TFIP11: variants seen among roughly 807,000 people sequenced by gnomAD.
TFIP11 encodes tuftelin interacting protein 11, also known as tuftelin-interacting protein 11.
A neutral mutation model predicts 96.8 loss-of-function variants in TFIP11; 86 were observed. The observed-to-expected ratio is 0.89, with a 90% CI of 0.75 to 1.06. The LOEUF (loss-of-function observed/expected upper bound fraction) is 1.06, where lower values mean the gene tolerates loss of function less well. TFIP11 is among the 50% of genes least tolerant of loss of function. TFIP11 has a pLI of 0.00. For missense variants in TFIP11, 881 were observed against 1,076.7 expected (o/e 0.82, Z 2.54); for synonymous variants, 405 against 395.2 (o/e 1.02, Z -0.29).
intron 14 of TFIP11, 154 bp downstream of exon 14, chr22:26,493,985 C>A (rs947045670): frequency 1.8e-5 from 14 of 774,400 alleles, no homozygotes; most frequent in Non-Finnish European, 2.8e-5. Flanking sequence ...CCATGTACCC[C>A]AGTCAGCAGG....
chr22:26,497,400 T>C (rs929765296), intron 10 of TFIP11, among the ~76,000 whole-genome samples: 3 of 152,224 alleles, frequency 2.0e-5, no homozygotes, highest in Non-Finnish European at 4.4e-5. Flanking sequence ...GCTGTGCTCC[T>C]AGGGTAAGCC....
Position 26,499,282 on chromosome 22 carries a change from T to G in TFIP11, c.1151A>C (p.Glu384Ala), listed in dbSNP as rs201185631. Reference protein sequence around the residue: ...SKVLEMVEECERRMQPDCSNP... With the variant: ...SKVLEMVEECARRMQPDCSNP... ...GCTGCAGTCGGGCTGCATCCGCCGC[T>G]CGCACTCCTCCACCATCTCCAGGAC... The change falls in exon 9 of 15, where the codon GAG becomes GCG. Residue 384 changes from glutamate (E) to alanine (A), a missense_variant. Coordinates refer to ENST00000407690, the MANE Select transcript of TFIP11 (RefSeq NM_012143.4). 6.2e-7 allele frequency: 1 copy of G among 1,613,900 alleles called. No individual in the cohort carries two copies. The highest frequency in any genetic ancestry group is 2.2e-5 in the East Asian group (1 of 44,874).
chr22:26,508,094 A>T (rs1040012756), intron 4 of TFIP11, among the ~76,000 whole-genome samples: 3 of 152,214 alleles, frequency 2.0e-5, no homozygotes, highest in African/African-American at 7.2e-5. Flanking sequence ...TGGGTAATAG[A>T]GACTGTGTTT....
chr22:26,491,592 C>T lies in TFIP11; in HGVS notation c.*421G>A, dbSNP rs374633481. The T allele has an allele frequency of 1.9e-5, 31 of 1,614,022 alleles. No individual in the cohort carries two copies. The highest frequency in any genetic ancestry group is 4.0e-5 in the African/African-American group (3 of 74,936). ...GCTCTCCATAGATATTTGGGAGTTT[C>T]GGGAAGAACCAGATTATCAGGACTG... On this transcript the variant is annotated 3_prime_UTR_variant, in exon 15 of 15. Transcript: ENST00000407690.
chr22:26,506,223 A>T, intron 6 of TFIP11, 80 bp downstream of exon 6: 1 of 1,448,156 alleles, frequency 6.9e-7, no homozygotes, highest in Non-Finnish European at 9.2e-7. Context: ...AAAAGGGAAA[A>T]GCAAACCTCC....
chr22:26,499,044 A>G, intron 9 of TFIP11, 60 bp downstream of exon 9: 1 of 1,609,980 alleles, frequency 6.2e-7, no homozygotes, highest in Non-Finnish European at 8.5e-7. Context: ...GAACCAACTC[A>G]TCAAGCAAGG....
In TFIP11 at chr22:26,505,716, T is replaced by C. The variant is rs202181627; in HGVS notation, c.520+587A>G. 4.1e-3 allele frequency among the ~76,000 whole-genome samples: 620 copies of C among 149,532 alleles called. 11 individuals are homozygous for C. The South Asian group carries it at 0.042, about 10-fold the overall frequency. The stretch of plus-strand genomic sequence containing the variant: ...TTATTCTATTTATTTATTTATTTAT[T>C]TATTTATTTATTTATTTATTCAGGG... On this transcript the variant is annotated intron_variant, in intron 6 of 14. Transcript: ENST00000407690.
Position 26,499,381 on chromosome 22 carries a change from T to G in TFIP11, c.1052A>C (p.Asn351Thr), listed in dbSNP as rs144808415. Residue 351 changes from asparagine to threonine, a missense_variant, in exon 9 of 15, where the codon AAC becomes ACC. Coordinates refer to ENST00000407690, the MANE Select transcript of TFIP11 (RefSeq NM_012143.4). ...QLQYERDMVV[N>T]LFHELEKMTE... ...CATCTTCTCCAGCTCGTGGAAGAGG[T>G]TGACCACCATGTCCCGCTCATACTG... 52 of 1,614,032 alleles carry G rather than the reference T, an allele frequency of 3.2e-5. 1 individual carries two copies. In the South Asian group the frequency reaches 5.7e-4, roughly 18 times the overall value.
chr22:26,506,154 AG>A, intron 6 of TFIP11, 148 bp downstream of exon 6: 1 of 723,350 alleles, frequency 1.4e-6, no homozygotes, highest in Non-Finnish European at 2.1e-6. Context: ...AAAGCAAGGT[AG>A]CTTAGGAACG....
At position 26,491,902 on chromosome 22, in the gene TFIP11, T is replaced by C. The variant is rs1921236575; in HGVS notation, c.*111A>G. The C allele has an allele frequency of 5.3e-6, 6 of 1,137,368 alleles. No homozygotes were observed. The Admixed American group carries it at 9.5e-5, about 18-fold the overall frequency. The allele number at this position is 1,137,368 out of a possible 1,614,324, so 70.5% of individuals were successfully genotyped here. A position where few individuals can be genotyped will look rare whatever the true frequency, so the allele number is the denominator to read the frequency against. ...CCTCATGACCTGGCCTGATGTGGAG[T>C]AGCTCCTGAGTAAAGAAGTTACCCT... On this transcript the variant is annotated 3_prime_UTR_variant, in exon 15 of 15. Transcript: ENST00000407690.
chr22:26,491,786 T>C lies in TFIP11; in HGVS notation c.*227A>G. 1 of 1,067,736 alleles carries C rather than the reference T, an allele frequency of 9.4e-7. No individual in the cohort carries two copies. Among genetic ancestry groups the C allele is most frequent in the Non-Finnish European group, 1.3e-6 (1 of 750,684 alleles). 66.1% of individuals were successfully genotyped at this position (1,067,736 alleles called of 1,614,324 possible). On this transcript the variant is annotated 3_prime_UTR_variant, in exon 15 of 15. Coordinates refer to ENST00000407690, the MANE Select transcript of TFIP11 (RefSeq NM_012143.4). ...TCCTTTGCCAGGAAAGAACATCAACTTGGCTGTCCTGTTTTGAGGACGATA... is the reference window on the plus strand; with the variant it reads ...TCCTTTGCCAGGAAAGAACATCAACCTGGCTGTCCTGTTTTGAGGACGATA...
Position 26,503,804 on chromosome 22 carries a change from TC to T in TFIP11, c.521-12del. ...TTGGGTTAATGATACCTGAGGAATT[TC>T]AGCAAAAAAAAAAGAGAGTCTTACG... On this transcript the variant is annotated splice_polypyrimidine_tract_variant and intron_variant, in intron 6 of 14. Coordinates refer to ENST00000407690, the MANE Select transcript of TFIP11 (RefSeq NM_012143.4). 1 of 1,595,446 alleles carries T rather than the reference TC, an allele frequency of 6.3e-7. No individual in the cohort carries two copies. Among genetic ancestry groups the T allele is most frequent in the Non-Finnish European group, 8.5e-7 (1 of 1,175,110 alleles).
chr22:26,503,611 A>G, intron 7 of TFIP11, 55 bp downstream of exon 7: 1 of 1,597,344 alleles, frequency 6.3e-7, no homozygotes, highest in Non-Finnish European at 8.5e-7. Context: ...ATAAATGAAC[A>G]GCCATTAGAA....
At chr22:26,493,587 G>C (rs1444486808) in intron 14 of TFIP11, 1 of 154,238 alleles carries the variant, frequency 6.5e-6, no homozygotes, top group Non-Finnish European at 1.4e-5. Flanking sequence ...GACTTACCTA[G>C]AACTTGGGAA....
At chr22:26,503,162 A>G (rs977842732) in intron 7 of TFIP11, among the ~76,000 whole-genome samples, 3 of 152,102 alleles carry the variant, frequency 2.0e-5, no homozygotes. Flanking sequence ...AGCACCTAAA[A>G]ATGGCTGTCA....
intron 4 of TFIP11, among the ~76,000 whole-genome samples, chr22:26,509,688 T>C (rs1262744846): frequency 6.6e-6 from 1 of 152,088 alleles, no homozygotes; most frequent in African/African-American, 2.4e-5. Context: ...AAACCCCGTC[T>C]CTACTAATAA....
chr22:26,492,896 AG>A (rs1355540599), intron 14 of TFIP11: 1 of 155,922 alleles, frequency 6.4e-6, no homozygotes, highest in Admixed American at 6.2e-5. Flanking sequence ...GGGTATATTC[AG>A]GGAACAGTTT....
chr22:26,498,958 G>C lies in TFIP11; in HGVS notation c.1347C>G (p.Thr449=), dbSNP rs750943672. Residue 449 remains threonine (T), a synonymous_variant, in exon 10 of 15, where the codon ACC becomes ACG. Coordinates refer to ENST00000407690, the MANE Select transcript of TFIP11 (RefSeq NM_012143.4). ...GGCTTTTCCACTTAGAGATGATCTC[G>C]GTGCCATAAGTGCAGTCCTGAGGAG... ...WDPLKDCTYG[T]EIISKWKSLL... is the part of the protein sequence containing the mutation. 6.2e-7 allele frequency: 1 copy of C among 1,614,040 alleles called. No homozygotes were observed. Among genetic ancestry groups the C allele is most frequent in the East Asian group, 2.2e-5 (1 of 44,860 alleles).
In TFIP11 at chr22:26,496,577, T is replaced by C. The variant is rs902300759; in HGVS notation, c.1605+144A>G. ...GGGGAAAAAGTGCTGAGAAAAAGGC[T>C]GGAATTAACACTATAGGTCAATAGT... On this transcript the variant is annotated intron_variant, in intron 11 of 14. Transcript: ENST00000407690. The C allele has an allele frequency of 8.7e-6, 10 of 1,148,990 alleles. No homozygotes were observed. The African/African-American group carries it at 1.5e-4, about 18-fold the overall frequency. 71.2% of individuals were successfully genotyped at this position (1,148,990 alleles called of 1,614,324 possible).
Sources: gnomAD v4.1 joint callset for allele counts (sites outside exome capture counted in the v4.1 genomes callset) on GRCh38, gnomAD v4.1.1 for gene constraint, MANE v1.5 for transcripts, NCBI Gene and HGNC (gene_info 2026-07-23, HGNC 2026-07-21) for gene names.